SNAPC3: variants seen among roughly 807,000 people sequenced by gnomAD.
The protein encoded by SNAPC3 is small nuclear RNA activating complex polypeptide 3.
A neutral mutation model predicts 47.7 loss-of-function variants in SNAPC3; 56 were observed. The observed-to-expected ratio is 1.18, with a 90% CI of 0.95 to 1.47. The LOEUF (loss-of-function observed/expected upper bound fraction) is 1.47, where lower values mean the gene tolerates loss of function less well. Ranked by LOEUF, SNAPC3 falls within the 40% of genes most tolerant of loss-of-function variation. The probability of loss-of-function intolerance (pLI) is 0.00; values close to 1 mark genes in which losing one functional copy is unlikely to be tolerated. For missense variants in SNAPC3, 665 were observed against 511.3 expected (o/e 1.30, Z -2.90); for synonymous variants, 235 against 189.9 (o/e 1.24, Z -1.95).
intron 2 of SNAPC3, among the ~76,000 whole-genome samples, chr9:15,428,637 G>T (rs1432944631): frequency 6.6e-6 from 1 of 151,932 alleles, no homozygotes; most frequent in Non-Finnish European, 1.5e-5. Context: ...AATAAGAATG[G>T]AAATGATGAC....
intron 2 of SNAPC3, among the ~76,000 whole-genome samples, chr9:15,426,649 T>G (rs912519867): frequency 6.6e-6 from 1 of 152,242 alleles, no homozygotes; most frequent in Non-Finnish European, 1.5e-5. Context: ...TTTGCTATAG[T>G]TAATAATGTA....
At chr9:15,443,063 C>G (rs10116201) in intron 3 of SNAPC3, among the ~76,000 whole-genome samples, 117,231 of 152,042 alleles carry the variant, frequency 0.77, 46,562 homozygotes, top group Non-Finnish European at 0.87. Flanking sequence ...CCCAGGCACT[C>G]GGCAGGCTGA....
intron 3 of SNAPC3, among the ~76,000 whole-genome samples, chr9:15,442,848 G>T (rs1245236429): frequency 6.6e-6 from 1 of 152,146 alleles, no homozygotes; most frequent in Non-Finnish European, 1.5e-5. Flanking sequence ...GTAGCAAGCC[G>T]AGATCACGCC....
intron 2 of SNAPC3, among the ~76,000 whole-genome samples, chr9:15,425,913 G>GT (rs2031318950): frequency 6.6e-6 from 1 of 152,214 alleles, no homozygotes; most frequent in Non-Finnish European, 1.5e-5. Flanking sequence ...CCAGGCCTGA[G>GT]TGCAATGGTG....
intron 8 of SNAPC3, 27 bp from the exon 9 acceptor site, chr9:15,459,692 A>T (rs759927740): frequency 1.0e-5 from 16 of 1,602,746 alleles, no homozygotes; most frequent in African/African-American, 2.7e-5. Flanking sequence ...GATTGTAATG[A>T]TGTACTTCTT....
At position 15,444,651 on chromosome 9, in the gene SNAPC3, A is replaced by C. The variant is rs1430539325; in HGVS notation, c.527A>C (p.Glu176Ala). Residue 176 changes from glutamate (E) to alanine (A), a missense_variant, in exon 4 of 9, where the codon GAA (glutamate) becomes GCA (alanine). Coordinates refer to ENST00000380821, the MANE Select transcript of SNAPC3 (RefSeq NM_001039697.2). ...KKPENSADMI[E>A]EGELILSVNI... Reference sequence around the variant, plus strand: ...CCTGAAAATTCAGCAGACATGATTGAAGAAGGGGAGCTTATCCTATCTGTG... The same window carrying C: ...CCTGAAAATTCAGCAGACATGATTGCAGAAGGGGAGCTTATCCTATCTGTG... 1 of 1,613,126 alleles carries C rather than the reference A, an allele frequency of 6.2e-7. No individual in the cohort carries two copies. Among genetic ancestry groups the C allele is most frequent in the African/African-American group, 1.3e-5 (1 of 75,034 alleles).
In SNAPC3 at chr9:15,458,048, T is replaced by A; in HGVS notation, c.1069T>A (p.Cys357Ser). Reference sequence around the variant, plus strand: ...GCTATGGACCAGAAAATGTTTTGTTTGTAAAATGTATACAGCCAGGTGAGT... The same window carrying A: ...GCTATGGACCAGAAAATGTTTTGTTAGTAAAATGTATACAGCCAGGTGAGT... ...HWLWTRKCFV[C>S]KMYTARWVTN... The change falls in exon 8 of 9, where the codon TGT (cysteine) becomes AGT (serine). Residue 357 changes from cysteine to serine, a missense_variant. Cys to Ser is a moderately radical substitution (Grantham distance 112). Transcript: ENST00000380821. The A allele has an allele frequency of 6.3e-7, 1 of 1,579,084 alleles. No individual in the cohort carries two copies. Among genetic ancestry groups the A allele is most frequent in the South Asian group, 1.2e-5 (1 of 84,910 alleles).
chr9:15,433,820 CAT>C (rs1194604939), intron 3 of SNAPC3, 184 bp downstream of exon 3: 15 of 412,686 alleles, frequency 3.6e-5, no homozygotes, highest in Admixed American at 2.1e-4. Context: ...CAAGTGACCA[CAT>C]GTTTGACTTT....
chr9:15,442,715 C>T (rs562076911), intron 3 of SNAPC3, among the ~76,000 whole-genome samples: 2 of 152,078 alleles, frequency 1.3e-5, no homozygotes, highest in Non-Finnish European at 2.9e-5. Flanking sequence ...GGGCTCCTCA[C>T]ATCCCAGACG....
rs750405395 is a variant in SNAPC3 at position 15,423,029 on chromosome 9, G to A, written c.150G>A (p.Leu50=). 9 of 1,527,710 alleles carry A rather than the reference G, an allele frequency of 5.9e-6. No homozygotes were observed. The highest frequency in any genetic ancestry group is 7.9e-6 in the Non-Finnish European group (9 of 1,143,576). The allele number at this position is 1,527,710 out of a possible 1,614,324, so 94.6% of individuals were successfully genotyped here. A position where few individuals can be genotyped will look rare whatever the true frequency, so the allele number is the denominator to read the frequency against. Reference sequence around the variant, plus strand: ...TCCATGTGGGCGCCTTTGGGGAGCTGTGGCGGGGCCGTCTGCGCGGGGCCG... The same window carrying A: ...TCCATGTGGGCGCCTTTGGGGAGCTATGGCGGGGCCGTCTGCGCGGGGCCG... ...RAFHVGAFGE[L]WRGRLRGAGD... Residue 50 remains leucine, a synonymous_variant, in exon 1 of 9, where the codon CTG becomes CTA. Transcript: ENST00000380821.
At chr9:15,445,079 G>A (rs749060450) in intron 4 of SNAPC3, among the ~76,000 whole-genome samples, 6 of 152,142 alleles carry the variant, frequency 3.9e-5, no homozygotes, top group South Asian at 4.1e-4. Flanking sequence ...AGGAGACAGC[G>A]TGAGACCCTG....
chr9:15,428,264 C>T (rs906197332), intron 2 of SNAPC3, among the ~76,000 whole-genome samples: 9 of 151,994 alleles, frequency 5.9e-5, no homozygotes, highest in African/African-American at 1.9e-4. Context: ...TAAAATCTAA[C>T]GAGAGCTTGT....
At chr9:15,451,189 T>C (rs2034356761) in intron 5 of SNAPC3, 131 bp from the exon 6 acceptor site, 2 of 352,032 alleles carry the variant, frequency 5.7e-6, no homozygotes, top group Non-Finnish European at 9.5e-6. Flanking sequence ...TAGGGTAAAA[T>C]TGAAAATAGT....
intron 1 of SNAPC3, among the ~76,000 whole-genome samples, chr9:15,423,666 G>C (rs912001556): frequency 2.6e-5 from 4 of 152,094 alleles, no homozygotes; most frequent in African/African-American, 9.7e-5. Context: ...CTTATTTGGG[G>C]ATGAAAATAT....
chr9:15,463,649 T>C (rs1427626796), downstream of SNAPC3: 1 of 152,066 alleles, frequency 6.6e-6, no homozygotes, highest in Admixed American at 6.5e-5. Flanking sequence ...TATGAATAAT[T>C]ATCAAGAGTT....
intron 6 of SNAPC3, among the ~76,000 whole-genome samples, chr9:15,452,111 T>A (rs899510836): frequency 6.6e-6 from 1 of 151,946 alleles, no homozygotes; most frequent in Non-Finnish European, 1.5e-5. Context: ...TACAGGTGTG[T>A]GCCATCATGC....
At chr9:15,427,634 AC>A (rs376588381) in intron 2 of SNAPC3, among the ~76,000 whole-genome samples, 120 of 152,366 alleles carry the variant, frequency 7.9e-4, no homozygotes, top group African/African-American at 2.5e-3. Context: ...GGCGTGAGCC[AC>A]GACGCCCAGC....
chr9:15,454,814 G>C (rs1271681637), intron 7 of SNAPC3, among the ~76,000 whole-genome samples: 1 of 152,166 alleles, frequency 6.6e-6, no homozygotes, highest in East Asian at 1.9e-4. Context: ...GGCACCTGTA[G>C]TCCTAGCTAC....
chr9:15,440,622 T>G (rs892183813), intron 3 of SNAPC3, among the ~76,000 whole-genome samples: 1 of 152,216 alleles, frequency 6.6e-6, no homozygotes, highest in African/African-American at 2.4e-5. Context: ...TCCCAAGAGT[T>G]TGAGGCCAAT....
Sources: gnomAD v4.1 joint callset for allele counts (sites outside exome capture counted in the v4.1 genomes callset) on GRCh38, gnomAD v4.1.1 for gene constraint, MANE v1.5 for transcripts, NCBI Gene and HGNC (gene_info 2026-07-23, HGNC 2026-07-21) for gene names.